The following CACNA1D variants were observed in gnomAD, a reference collection of about 807,000 sequenced individuals.
The protein encoded by CACNA1D is calcium voltage-gated channel subunit alpha1 D, also known as voltage-dependent L-type calcium channel subunit alpha-1D.
Under a neutral mutation model 257.1 loss-of-function variants are expected in CACNA1D, and 55 were observed. The observed-to-expected ratio is 0.21, with a 90% CI of 0.17 to 0.27. CACNA1D has a LOEUF of 0.27. Ranked by LOEUF, CACNA1D falls within the 10% of genes least tolerant of loss-of-function variation. The pLI is 1.00. For missense variants in CACNA1D, 1,876 were observed against 2,784.0 expected (o/e 0.67, Z 7.34); for synonymous variants, 980 against 1,014.9 (o/e 0.97, Z 0.65).
intron 26 of CACNA1D, among the ~76,000 whole-genome samples, chr3:53,748,208 G>A (rs962042686): frequency 5.3e-5 from 8 of 152,354 alleles, no homozygotes; most frequent in East Asian, 3.9e-4. Flanking sequence ...GTGCTTTCGT[G>A]TTGCTCTTTG....
intron 36 of CACNA1D, 30 bp from the exon 37 acceptor site, chr3:53,776,830 C>A: frequency 1.2e-6 from 2 of 1,612,664 alleles, no homozygotes; most frequent in Non-Finnish European, 1.7e-6. Context: ...TGGTACTGTT[C>A]CTGGACCTTA....
chr3:53,673,853 G>A lies in CACNA1D; in HGVS notation c.1220+727G>A. The A allele has an allele frequency of 7.3e-7, 1 of 1,365,758 alleles. No homozygotes were observed. The allele number at this position is 1,365,758 out of a possible 1,614,324, so 84.6% of individuals were successfully genotyped here. On this transcript the variant is annotated intron_variant, in intron 8 of 47. Coordinates refer to ENST00000350061, the MANE Select transcript of CACNA1D (RefSeq NM_001128840.3). This position sits in a 1 kb window ranked among gnomAD's most constrained non-coding sequence, Gnocchi z 4.1. ...GATCCGTGTTGCACCTTCTCCTGCT[G>A]CCACGTGTGAGGCAACTCTGCGTGT...
chr3:53,556,620 A>G (rs1446739829), intron 3 of CACNA1D, among the ~76,000 whole-genome samples: 1 of 151,384 alleles, frequency 6.6e-6, no homozygotes, highest in Non-Finnish European at 1.5e-5. Flanking sequence ...AGTGCCCCAT[A>G]TATCCTGGAT....
chr3:53,594,680 T>C (rs79249324), intron 3 of CACNA1D, among the ~76,000 whole-genome samples: 1,547 of 152,340 alleles, frequency 0.01, 38 homozygotes, highest in African/African-American at 0.035. Flanking sequence ...AGAAACATCA[T>C]TGTGGAGTAA....
At chr3:53,560,092 C>T (rs1441914459) in intron 3 of CACNA1D, among the ~76,000 whole-genome samples, 1 of 142,840 alleles carries the variant, frequency 7.0e-6, no homozygotes, top group Admixed American at 7.2e-5. Flanking sequence ...CCTTTGTTGG[C>T]CAGAAAATGA....
chr3:53,808,834 T>G, intron 46 of CACNA1D, 64 bp downstream of exon 46: 1 of 1,556,690 alleles, frequency 6.4e-7, no homozygotes, highest in Non-Finnish European at 8.8e-7. Flanking sequence ...CCCCATCAGG[T>G]CACTCCCTTC....
intron 5 of CACNA1D, among the ~76,000 whole-genome samples, chr3:53,662,142 T>C (rs372824275): frequency 1.3e-5 from 2 of 152,332 alleles, no homozygotes; most frequent in East Asian, 3.9e-4. Flanking sequence ...TATCTTGGAA[T>C]TGTTTAGTCC....
rs1445579444 is a variant in CACNA1D, at chr3:53,811,399, C to T, written c.6479C>T (p.Thr2160Ile). The change falls in exon 48 of 48, where the codon ACC (threonine) becomes ATC (isoleucine). Residue 2160 changes from threonine (T) to isoleucine (I), a missense_variant. Coordinates refer to ENST00000350061, the MANE Select transcript of CACNA1D (RefSeq NM_001128840.3). The surrounding 1 kb of genome is among the most constrained non-coding windows in gnomAD (Gnocchi z 4.2). ...GCGGATGAAATGATATGCATCACCACCTTGTAGCCCCCAGCGAGGGGCAGA... is the reference window on the plus strand; with the variant it reads ...GCGGATGAAATGATATGCATCACCATCTTGTAGCCCCCAGCGAGGGGCAGA... ...DLADEMICIT[T>I]L is the part of the protein sequence containing the mutation. 2 of 1,557,342 alleles carry T rather than the reference C, an allele frequency of 1.3e-6. No homozygotes were observed. The highest frequency in any genetic ancestry group is 1.7e-6 in the Non-Finnish European group (2 of 1,149,672).
chr3:53,685,166 T>C (rs1052839673), intron 8 of CACNA1D, among the ~76,000 whole-genome samples: 11 of 152,312 alleles, frequency 7.2e-5, no homozygotes, highest in African/African-American at 2.4e-4. Flanking sequence ...TGAACTGTAC[T>C]AATCCACACA....
At chr3:53,803,613 T>G in intron 44 of CACNA1D, 41 bp downstream of exon 44, 1 of 1,605,456 alleles carries the variant, frequency 6.2e-7, no homozygotes, top group Non-Finnish European at 8.5e-7. Context: ...GAGGCCGCCC[T>G]GCCCTGGTGC....
At chr3:53,766,760 C>T (rs1324270837) in intron 30 of CACNA1D, among the ~76,000 whole-genome samples, 1 of 152,162 alleles carries the variant, frequency 6.6e-6, no homozygotes, top group Non-Finnish European at 1.5e-5. Flanking sequence ...CTGTAGGGTT[C>T]CCAGCTGAAG....
chr3:53,583,175 A>G (rs2093159963), intron 3 of CACNA1D, among the ~76,000 whole-genome samples: 1 of 152,144 alleles, frequency 6.6e-6, no homozygotes, highest in African/African-American at 2.4e-5. Context: ...TTCAGGGAAT[A>G]AAATAGCTTT....
At chr3:53,573,464 T>C (rs1214285605) in intron 3 of CACNA1D, among the ~76,000 whole-genome samples, 1 of 152,236 alleles carries the variant, frequency 6.6e-6, no homozygotes, top group African/African-American at 2.4e-5. Context: ...ACTCTCATTT[T>C]CTTTAGATCT....
chr3:53,548,141 T>C (rs1335533671), intron 3 of CACNA1D, among the ~76,000 whole-genome samples: 2 of 152,234 alleles, frequency 1.3e-5, no homozygotes, highest in Admixed American at 6.5e-5. Flanking sequence ...TCTTTCCGCC[T>C]TCGTCTTTCC....
At chr3:53,759,554 G>A (rs1408063251) in intron 29 of CACNA1D, among the ~76,000 whole-genome samples, 1 of 152,258 alleles carries the variant, frequency 6.6e-6, no homozygotes, top group African/African-American at 2.4e-5. Context: ...GTTGCTACTT[G>A]TGACCAAGTT....
chr3:53,559,128 T>C (rs2092694760), intron 3 of CACNA1D, among the ~76,000 whole-genome samples: 1 of 152,230 alleles, frequency 6.6e-6, no homozygotes, highest in Non-Finnish European at 1.5e-5. Context: ...TCACTCACTA[T>C]TCCTGCTATT....
chr3:53,770,502 AG>A lies in CACNA1D; in HGVS notation c.4000del (p.Glu1334LysfsTer24). ...RVMRLVKLLSRGEGIRTLLWT... is the reference protein window; with the variant it reads ...RVMRLVKLLSXGEGIRTLLWT... The stretch of plus-strand genomic sequence containing the variant: ...GATGCGATTGGTGAAGCTTCTCAGC[AG>A]GGGGGAAGGCATCCGGACATTGCTG... On this transcript the variant is annotated frameshift_variant, in exon 32 of 48. Coordinates refer to ENST00000350061, the MANE Select transcript of CACNA1D (RefSeq NM_001128840.3). LOFTEE classifies it high-confidence loss of function. The A allele has an allele frequency of 6.2e-7, 1 of 1,613,742 alleles. No individual in the cohort carries two copies. The highest frequency in any genetic ancestry group is 8.5e-7 in the Non-Finnish European group (1 of 1,179,640).
At chr3:53,707,299 G>T (rs904996910) in intron 9 of CACNA1D, among the ~76,000 whole-genome samples, 1 of 152,070 alleles carries the variant, frequency 6.6e-6, no homozygotes. Context: ...GGAGCCAGGG[G>T]TGGCTCTTTT....
chr3:53,512,856 A>C (rs2091176811), intron 3 of CACNA1D, among the ~76,000 whole-genome samples: 1 of 152,224 alleles, frequency 6.6e-6, no homozygotes, highest in Non-Finnish European at 1.5e-5. Flanking sequence ...GCCATAATAC[A>C]TCTTCCGAAA....
Sources: allele counts gnomAD v4.1 joint callset (sites outside exome capture counted in the v4.1 genomes callset), GRCh38; gene constraint gnomAD v4.1.1; non-coding constraint Gnocchi (gnomAD v3.1); transcripts MANE v1.5; gene names NCBI Gene and HGNC (gene_info 2026-07-23, HGNC 2026-07-21).